Variants in ADGRL2 observed in about 807,000 individuals in gnomAD.
ADGRL2 encodes the protein calcium-independent alpha-latrotoxin receptor 2.
A neutral mutation model predicts 157.4 loss-of-function variants in ADGRL2; 44 were observed. That is an observed-to-expected ratio of 0.28 (90% CI 0.22 to 0.36). The LOEUF is 0.36. ADGRL2 is among the 10% of genes least tolerant of loss of function. ADGRL2 has a pLI of 1.00. For synonymous variants in ADGRL2, 585 were observed against 624.7 expected, an observed-to-expected ratio of 0.94 and a Z score of 0.95; for missense variants, 1,510 against 1,768.9, an observed-to-expected ratio of 0.85 and a Z score of 2.63.
At chr1:81,984,467 G>T (rs150805190) in intron 19 of ADGRL2, 116 bp from the exon 20 acceptor site, 2 of 1,088,330 alleles carry the variant, frequency 1.8e-6, no homozygotes, top group South Asian at 2.4e-5. Flanking sequence ...TTTTCTCCAC[G>T]GATAAGTTTT....
At chr1:81,593,675 A>G (rs568403668) in intron 3 of ADGRL2, among the ~76,000 whole-genome samples, 12 of 152,286 alleles carry the variant, frequency 7.9e-5, no homozygotes, top group African/African-American at 2.6e-4. Flanking sequence ...AGAATAGTCT[A>G]CCGTCAGCAA....
chr1:81,630,371 T>G (rs2081989111), intron 3 of ADGRL2, among the ~76,000 whole-genome samples: 1 of 152,188 alleles, frequency 6.6e-6, no homozygotes. Flanking sequence ...ATTCATTTAA[T>G]CATCGAATAC....
chr1:81,993,849 C>T lies in ADGRL2; in HGVS notation c.*2704C>T, dbSNP rs1464201614. On this transcript the variant is annotated 3_prime_UTR_variant, in exon 24 of 24. Transcript: ENST00000686636. ...TCACAACTGTGAACTTATAAAGTCA[C>T]ATTTTTAAAGTTCTTCCTAGAGACA... Among the ~76,000 whole-genome samples, 2 of 152,026 alleles carry T rather than the reference C, an allele frequency of 1.3e-5. No homozygotes were observed. The highest frequency in any genetic ancestry group is 2.9e-5 in the Non-Finnish European group (2 of 68,012).
At chr1:81,485,425 CATATT>C (rs1487191335) in intron 2 of ADGRL2, among the ~76,000 whole-genome samples, 4 of 152,004 alleles carry the variant, frequency 2.6e-5, no homozygotes, top group Middle Eastern at 3.2e-3. Context: ...TTTTCTGTCA[CATATT>C]ATAATTGTAT....
rs116717631 is a variant in ADGRL2 at position 81,580,614 on chromosome 1, G to T, written c.-247-262G>T. On this transcript the variant is annotated intron_variant, in intron 2 of 24. Transcript: ENST00000370721. ...ACTCACTATAAATATTCAATGTCAAGAATTTAAATGGCTTACAGACATAGA... is the reference window on the plus strand; with the variant it reads ...ACTCACTATAAATATTCAATGTCAATAATTTAAATGGCTTACAGACATAGA... 7.4e-3 allele frequency among the ~76,000 whole-genome samples: 1,128 copies of T among 152,074 alleles called. 15 individuals carry two copies. Among genetic ancestry groups the T allele is most frequent in the African/African-American group, 0.024 (1,013 of 41,458 alleles).
At chr1:81,882,619 T>C (rs1161299879) in intron 2 of ADGRL2, among the ~76,000 whole-genome samples, 1 of 152,156 alleles carries the variant, frequency 6.6e-6, no homozygotes, top group African/African-American at 2.4e-5. Flanking sequence ...CATAAGATGC[T>C]CCACAATCCC....
intron 2 of ADGRL2, among the ~76,000 whole-genome samples, chr1:81,501,552 CATTAACATCATTTAT>C (rs1368265976): frequency 9.2e-5 from 14 of 152,252 alleles, no homozygotes; most frequent in African/African-American, 3.4e-4. Flanking sequence ...CATGTTTCCA[CATTAACATCATTTAT>C]AAAAATAGGA....
At chr1:81,320,332 C>T (rs1053252917) in intron 1 of ADGRL2, among the ~76,000 whole-genome samples, 4 of 152,180 alleles carry the variant, frequency 2.6e-5, no homozygotes, top group African/African-American at 9.6e-5. Flanking sequence ...TTCTTCCAAA[C>T]TCCTGTTAAT....
chr1:81,742,489 A>T (rs1265859412), intron 1 of ADGRL2, among the ~76,000 whole-genome samples: 1 of 152,084 alleles, frequency 6.6e-6, no homozygotes, highest in African/African-American at 2.4e-5. Flanking sequence ...GAGTGATGAC[A>T]TTGAATTCAA....
At chr1:81,957,931 C>T (rs1358220810) in intron 11 of ADGRL2, among the ~76,000 whole-genome samples, 3 of 151,550 alleles carry the variant, frequency 2.0e-5, no homozygotes, top group Non-Finnish European at 4.4e-5. Context: ...TTTGGGAGGC[C>T]GAGGCAGGCG....
chr1:81,772,983 A>G (rs1344945497), intron 2 of ADGRL2, among the ~76,000 whole-genome samples: 1 of 152,154 alleles, frequency 6.6e-6, no homozygotes, highest in Admixed American at 6.6e-5. Flanking sequence ...AGGACTTTCA[A>G]CTTTATATTT....
intron 2 of ADGRL2, among the ~76,000 whole-genome samples, chr1:81,785,564 C>CA (rs2087003331): frequency 1.3e-5 from 2 of 151,698 alleles, no homozygotes; most frequent in Admixed American, 1.3e-4. Flanking sequence ...CCTGTCTGTA[C>CA]AAAAAAATTA....
At chr1:81,861,363 T>C (rs576428991) in intron 2 of ADGRL2, among the ~76,000 whole-genome samples, 77 of 152,316 alleles carry the variant, frequency 5.1e-4, no homozygotes, top group African/African-American at 1.8e-3. Flanking sequence ...AAAGTATTTT[T>C]ATCATAGCTA....
chr1:81,397,347 G>A (rs961793097), intron 1 of ADGRL2, among the ~76,000 whole-genome samples: 75 of 100,764 alleles, frequency 7.4e-4, no homozygotes, highest in African/African-American at 1.2e-3. Flanking sequence ...TTGAGATGGA[G>A]TCTTGCTCTG....
At chr1:81,585,180 A>G (rs1003174648) in intron 3 of ADGRL2, among the ~76,000 whole-genome samples, 1 of 152,102 alleles carries the variant, frequency 6.6e-6, no homozygotes, top group Admixed American at 6.6e-5. Context: ...CTTAAACTGT[A>G]TGATCTATCT....
chr1:81,841,295 T>C (rs2092568058), intron 2 of ADGRL2, among the ~76,000 whole-genome samples: 1 of 152,176 alleles, frequency 6.6e-6, no homozygotes, highest in South Asian at 2.1e-4. Context: ...ATATAACAGT[T>C]GTAGAAATAG....
At chr1:81,741,272 A>G (rs1242945940) in intron 1 of ADGRL2, among the ~76,000 whole-genome samples, 1 of 152,122 alleles carries the variant, frequency 6.6e-6, no homozygotes, top group Non-Finnish European at 1.5e-5. Context: ...AACTTAAAAA[A>G]TAATTTTATG....
intron 1 of ADGRL2, among the ~76,000 whole-genome samples, chr1:81,820,592 A>G (rs1187701449): frequency 1.3e-5 from 2 of 151,062 alleles, no homozygotes; most frequent in Admixed American, 1.3e-4. Flanking sequence ...GCTGCTCAAG[A>G]TTTTCTATTT....
intron 1 of ADGRL2, among the ~76,000 whole-genome samples, chr1:81,729,879 A>T (rs934138350): frequency 2.0e-5 from 3 of 152,230 alleles, no homozygotes; most frequent in African/African-American, 7.2e-5. Flanking sequence ...GGGATTGGTC[A>T]TCTTGCAGTT....
Sources: gnomAD v4.1 joint callset for allele counts (sites outside exome capture counted in the v4.1 genomes callset) on GRCh38, gnomAD v4.1.1 for gene constraint, MANE v1.5 for transcripts, NCBI Gene and HGNC (gene_info 2026-07-23, HGNC 2026-07-21) for gene names.